MPP7: variants seen among roughly 807,000 people sequenced by gnomAD.
MPP7 encodes the protein MAGUK p55 subfamily member 7.
MPP7 carries 60 observed loss-of-function variants against 76.5 expected under a neutral mutation model. That is an observed-to-expected ratio of 0.78 (90% CI 0.64 to 0.97). The LOEUF (loss-of-function observed/expected upper bound fraction) is 0.97. Among genes scored for constraint, MPP7 ranks in the 50% least tolerant of loss-of-function variants. The pLI, the probability that MPP7 is intolerant of heterozygous loss-of-function variation, is 0.00. For synonymous variants in MPP7, 237 were observed against 244.5 expected (o/e 0.97, Z 0.29); for missense variants, 641 against 694.0 (o/e 0.92, Z 0.86).
At chr10:28,228,568 C>T (rs1448549270) in intron 2 of MPP7, among the ~76,000 whole-genome samples, 1 of 152,196 alleles carries the variant, frequency 6.6e-6, no homozygotes, top group Non-Finnish European at 1.5e-5. Context: ...GAGTTTGAGA[C>T]TGGCCTGGCC....
intron 11 of MPP7, among the ~76,000 whole-genome samples, chr10:28,094,643 C>T (rs1027768800): frequency 5.9e-5 from 9 of 151,872 alleles, no homozygotes; most frequent in Admixed American, 5.3e-4. Flanking sequence ...TAAAAAAAAG[C>T]GGGGTGAGGA....
intron 3 of MPP7, among the ~76,000 whole-genome samples, chr10:28,191,685 T>A (rs1837414147): frequency 6.6e-6 from 1 of 152,216 alleles, no homozygotes; most frequent in African/African-American, 2.4e-5. Flanking sequence ...GCCTTTTGGA[T>A]AAGGAATCCT....
At position 28,054,006 on chromosome 10, in the gene MPP7, C is replaced by T; in HGVS notation, c.*59G>A. The T allele has an allele frequency of 7.6e-7, 1 of 1,319,606 alleles. No homozygotes were observed. The highest frequency in any genetic ancestry group is 1.3e-5 in the South Asian group (1 of 79,930). 81.7% of individuals were successfully genotyped at this position (1,319,606 alleles called of 1,614,324 possible). On this transcript the variant is annotated 3_prime_UTR_variant, in exon 17 of 17. Coordinates refer to ENST00000683449, the MANE Select transcript of MPP7 (RefSeq NM_001318170.2). ...AGATTTAAAAACCCTACTACCAAAACTGTAATTGATTTCATCATGCACTCT... is the reference window on the plus strand; with the variant it reads ...AGATTTAAAAACCCTACTACCAAAATTGTAATTGATTTCATCATGCACTCT...
At chr10:28,247,084 TTAAAA>T (rs1393739359) in intron 1 of MPP7, among the ~76,000 whole-genome samples, 4 of 152,326 alleles carry the variant, frequency 2.6e-5, no homozygotes, top group South Asian at 2.1e-4. Flanking sequence ...TAGTATGATT[TTAAAA>T]TAAAATAAAT....
At chr10:28,240,258 A>C (rs888941523) in intron 1 of MPP7, among the ~76,000 whole-genome samples, 2 of 152,186 alleles carry the variant, frequency 1.3e-5, no homozygotes, top group Non-Finnish European at 2.9e-5. Flanking sequence ...CACTGGAAAG[A>C]CTGGTTCACA....
intron 12 of MPP7, among the ~76,000 whole-genome samples, chr10:28,077,112 G>GA (rs147574850): frequency 5.4e-5 from 8 of 148,118 alleles, no homozygotes; most frequent in South Asian, 2.2e-4. Flanking sequence ...ACTCTCTAGG[G>GA]AAAAAAAAAC....
intron 13 of MPP7, among the ~76,000 whole-genome samples, chr10:28,060,609 A>G (rs1851742665): frequency 6.6e-6 from 1 of 152,246 alleles, no homozygotes; most frequent in Admixed American, 6.5e-5. Context: ...TTCGCAGAGC[A>G]GCATGGTAGA....
chr10:28,128,748 A>G (rs190186995), intron 6 of MPP7, among the ~76,000 whole-genome samples: 2 of 152,364 alleles, frequency 1.3e-5, no homozygotes, highest in Non-Finnish European at 2.9e-5. Context: ...TGAGATGTCT[A>G]TTAGACCTCC....
intron 3 of MPP7, among the ~76,000 whole-genome samples, chr10:28,157,055 C>T (rs953328776): frequency 6.6e-6 from 1 of 151,902 alleles, no homozygotes; most frequent in African/African-American, 2.4e-5. Context: ...ACCAAAAATA[C>T]TAAAATTAGC....
At chr10:28,119,150 T>G (rs563723760) in intron 11 of MPP7, 4 of 761,112 alleles carry the variant, frequency 5.3e-6, no homozygotes, top group Non-Finnish European at 6.4e-6. Context: ...CATTTTCTTT[T>G]AATCTAGTCT....
chr10:28,333,150 A>G (rs991668490), intron 1 of MPP7, among the ~76,000 whole-genome samples: 1 of 151,936 alleles, frequency 6.6e-6, no homozygotes, highest in African/African-American at 2.4e-5. Context: ...CTTTTTATTT[A>G]TTTATTTTTT....
chr10:28,242,194 C>T (rs1347893315), intron 1 of MPP7, among the ~76,000 whole-genome samples: 1 of 152,144 alleles, frequency 6.6e-6, no homozygotes, highest in African/African-American at 2.4e-5. Context: ...TAACTGTCAT[C>T]ATAAACTACT....
intron 11 of MPP7, chr10:28,119,154 C>G: frequency 1.4e-6 from 1 of 733,540 alleles, no homozygotes; most frequent in Non-Finnish European, 1.7e-6. Context: ...TTCTTTTAAT[C>G]TAGTCTGGTA....
intron 11 of MPP7, among the ~76,000 whole-genome samples, chr10:28,109,846 C>T (rs200008917): frequency 4.9e-4 from 2 of 4,060 alleles, no homozygotes; most frequent in Non-Finnish European, 1.3e-3. Context: ...CAGCCGCAGA[C>T]GCAAAAAAAA....
At chr10:28,185,190 T>G (rs908784176) in intron 3 of MPP7, among the ~76,000 whole-genome samples, 4 of 148,406 alleles carry the variant, frequency 2.7e-5, no homozygotes, top group Non-Finnish European at 5.9e-5. Context: ...AAGTTATAAA[T>G]TATTATGTTG....
chr10:28,070,259 C>T (rs1340672452), intron 12 of MPP7, among the ~76,000 whole-genome samples: 1 of 152,000 alleles, frequency 6.6e-6, no homozygotes, highest in Non-Finnish European at 1.5e-5. Flanking sequence ...ATTAGCCAGG[C>T]ATGGTGGCGG....
At chr10:28,143,619 A>T (rs1251023801) in intron 5 of MPP7, among the ~76,000 whole-genome samples, 3 of 141,162 alleles carry the variant, frequency 2.1e-5, no homozygotes, top group Non-Finnish European at 4.9e-5. Flanking sequence ...ATGATAACAT[A>T]ACTTACAAAT....
chr10:28,188,036 G>A (rs1837292397), intron 3 of MPP7, among the ~76,000 whole-genome samples: 1 of 152,174 alleles, frequency 6.6e-6, no homozygotes, highest in Non-Finnish European at 1.5e-5. Flanking sequence ...CTTGTTCACA[G>A]GTTGCTCTAT....
At chr10:28,280,570 T>C (rs1299063367) in intron 1 of MPP7, among the ~76,000 whole-genome samples, 1 of 152,024 alleles carries the variant, frequency 6.6e-6, no homozygotes, top group African/African-American at 2.4e-5. Flanking sequence ...TCATATGCAG[T>C]CCAAATTTCA....
Sources: gnomAD v4.1 joint callset for allele counts (sites outside exome capture counted in the v4.1 genomes callset) on GRCh38, gnomAD v4.1.1 for gene constraint, MANE v1.5 for transcripts, NCBI Gene and HGNC (gene_info 2026-07-23, HGNC 2026-07-21) for gene names.